RBFOX1: variants seen among roughly 807,000 people sequenced by gnomAD.
RBFOX1 encodes RNA binding protein fox-1 homolog 1.
Under a neutral mutation model 57.7 loss-of-function variants are expected in RBFOX1, and 8 were observed. That is an observed-to-expected ratio of 0.14 (90% CI 0.08 to 0.25). RBFOX1 has a LOEUF of 0.25. Ranked by LOEUF, RBFOX1 falls within the 10% of genes least tolerant of loss-of-function variation. The probability of loss-of-function intolerance (pLI) is 1.00; values close to 1 mark genes in which losing one functional copy is unlikely to be tolerated. For missense variants in RBFOX1, 611 were observed against 548.5 expected (o/e 1.11, Z -1.14); for synonymous variants, 326 against 222.4 (o/e 1.47, Z -4.15).
chr16:7,124,006 A>T (rs554374485), intron 4 of RBFOX1, among the ~76,000 whole-genome samples: 161 of 152,258 alleles, frequency 1.1e-3, no homozygotes, highest in African/African-American at 3.8e-3. Context: ...TGTCTATTTA[A>T]TTCTAAAAAT....
intron 2 of RBFOX1, among the ~76,000 whole-genome samples, chr16:6,578,808 T>A (rs1030060218): frequency 1.8e-4 from 28 of 152,274 alleles, no homozygotes; most frequent in Admixed American, 9.8e-4. Flanking sequence ...TAGATTTTTT[T>A]AAGTATATTT....
chr16:7,671,572 G>T, intron 13 of RBFOX1: 1 of 1,611,494 alleles, frequency 6.2e-7, no homozygotes, highest in Non-Finnish European at 8.5e-7. Flanking sequence ...TGTATCAAGA[G>T]CCTGTGTATG....
chr16:6,281,022 A>G (rs2076325978), intron 1 of RBFOX1, among the ~76,000 whole-genome samples: 2 of 151,634 alleles, frequency 1.3e-5, no homozygotes, highest in African/African-American at 4.8e-5. Context: ...TATGTATTAC[A>G]TATGTATGTA....
At chr16:7,507,565 CTTT>C (rs3030308) in intron 4 of RBFOX1, among the ~76,000 whole-genome samples, 1 of 132,558 alleles carries the variant, frequency 7.5e-6, no homozygotes. Context: ...TTCTTTCTTT[CTTT>C]TTTTTTTTTT....
At chr16:6,742,627 C>G (rs920272911) in intron 3 of RBFOX1, among the ~76,000 whole-genome samples, 4 of 152,098 alleles carry the variant, frequency 2.6e-5, no homozygotes, top group East Asian at 1.9e-4. Context: ...GTGAGATACC[C>G]GTACTGTGAA....
At chr16:7,325,346 G>A (rs956324522) in intron 4 of RBFOX1, among the ~76,000 whole-genome samples, 4 of 152,200 alleles carry the variant, frequency 2.6e-5, no homozygotes, top group Non-Finnish European at 4.4e-5. Flanking sequence ...GCTGATAACT[G>A]GTAGGAACTG....
chr16:5,744,698 A>G (rs2052906321), intron 3 of RBFOX1, among the ~76,000 whole-genome samples: 1 of 152,214 alleles, frequency 6.6e-6, no homozygotes, highest in Non-Finnish European at 1.5e-5. Flanking sequence ...CACCTGAATC[A>G]GCCTTGGAAA....
intron 3 of RBFOX1, among the ~76,000 whole-genome samples, chr16:7,035,373 T>G (rs549344550): frequency 6.6e-6 from 1 of 152,292 alleles, no homozygotes; most frequent in African/African-American, 2.4e-5. Flanking sequence ...TCCCTCATGA[T>G]ACGGATCACG....
intron 4 of RBFOX1, among the ~76,000 whole-genome samples, chr16:7,274,125 G>T (rs977163804): frequency 6.6e-6 from 1 of 152,118 alleles, no homozygotes; most frequent in African/African-American, 2.4e-5. Context: ...TGAGATATTT[G>T]TTTATGATGC....
intron 2 of RBFOX1, among the ~76,000 whole-genome samples, chr16:5,539,073 G>C (rs1163510331): frequency 6.6e-6 from 1 of 152,208 alleles, no homozygotes; most frequent in Non-Finnish European, 1.5e-5. Flanking sequence ...TCTGAGGACA[G>C]ATAAGACCTG....
rs146156920 is a variant in RBFOX1, at chr16:7,413,872, G to A, written c.28-104275G>A. On this transcript the variant is annotated intron_variant, in intron 4 of 15. Transcript: ENST00000550418. Reference sequence around the variant, plus strand: ...TGAGGTTGATGAGACTCATCACTTTGGCTTTTGCGAGGATTAATTGGATTT... The same window carrying A: ...TGAGGTTGATGAGACTCATCACTTTAGCTTTTGCGAGGATTAATTGGATTT... 2.7e-4 allele frequency among the ~76,000 whole-genome samples: 41 copies of A among 152,214 alleles called. No individual in the cohort carries two copies. The East Asian group carries it at 6.8e-3, about 25-fold the overall frequency.
chr16:7,058,464 G>C (rs2053175874), intron 4 of RBFOX1, among the ~76,000 whole-genome samples: 1 of 152,152 alleles, frequency 6.6e-6, no homozygotes, highest in Non-Finnish European at 1.5e-5. Flanking sequence ...ATAAAATCTA[G>C]ACTTTGCAAC....
intron 4 of RBFOX1, among the ~76,000 whole-genome samples, chr16:7,264,205 T>G (rs1379958872): frequency 1.3e-5 from 2 of 152,180 alleles, no homozygotes; most frequent in Non-Finnish European, 2.9e-5. Flanking sequence ...GTAAACTGTG[T>G]TCCTTCAAAA....
At chr16:6,433,493 G>T (rs894101858) in intron 2 of RBFOX1, among the ~76,000 whole-genome samples, 1 of 152,122 alleles carries the variant, frequency 6.6e-6, no homozygotes, top group African/African-American at 2.4e-5. Flanking sequence ...AGATAGACTC[G>T]CTATTCTCAG....
intron 1 of RBFOX1, among the ~76,000 whole-genome samples, chr16:6,220,478 A>C (rs1362315): frequency 0.48 from 72,957 of 152,116 alleles, 17,926 homozygotes; most frequent in Middle Eastern, 0.58. Flanking sequence ...AGATTCCCTC[A>C]GTCCTGTAGA....
At chr16:6,657,329 G>A (rs1474679065) in intron 3 of RBFOX1, among the ~76,000 whole-genome samples, 1 of 152,098 alleles carries the variant, frequency 6.6e-6, no homozygotes, top group Non-Finnish European at 1.5e-5. Flanking sequence ...TGGGAGTGAG[G>A]TTTTAGGAGC....
intron 3 of RBFOX1, among the ~76,000 whole-genome samples, chr16:5,864,080 T>C (rs951141723): frequency 1.3e-5 from 2 of 152,134 alleles, no homozygotes; most frequent in African/African-American, 2.4e-5. Context: ...GAAGGCCCCA[T>C]TGTGTATTGT....
intron 3 of RBFOX1, among the ~76,000 whole-genome samples, chr16:6,891,555 G>T (rs1306840928): frequency 6.6e-6 from 1 of 152,238 alleles, no homozygotes; most frequent in East Asian, 1.9e-4. Flanking sequence ...GTCTGTGATG[G>T]TTAGTTTTTT....
At chr16:6,077,649 C>T (rs1055320502) in intron 1 of RBFOX1, among the ~76,000 whole-genome samples, 1 of 151,730 alleles carries the variant, frequency 6.6e-6, no homozygotes, top group Non-Finnish European at 1.5e-5. Flanking sequence ...TGCACTTTTC[C>T]CCTGCGCTCT....
Sources: gnomAD v4.1 joint callset for allele counts (sites outside exome capture counted in the v4.1 genomes callset) on GRCh38, gnomAD v4.1.1 for gene constraint, MANE v1.5 for transcripts, NCBI Gene and HGNC (gene_info 2026-07-23, HGNC 2026-07-21) for gene names.